The following DPH6 variants were observed in gnomAD, a reference collection of about 807,000 sequenced individuals.
DPH6 encodes the protein diphthamine biosynthesis 6, also known as diphthine--ammonia ligase.
In DPH6, 33 loss-of-function variants were observed where a neutral mutation model predicts 38.2. The observed-to-expected ratio is 0.86, with a 90% confidence interval of 0.65 to 1.15. DPH6 has a LOEUF of 1.15. DPH6 is among the 50% of genes most tolerant of loss of function. The pLI is 0.00. For synonymous variants in DPH6, 108 were observed against 103.0 expected, an observed-to-expected ratio of 1.05 and a Z score of -0.30; for missense variants, 325 against 320.0, an observed-to-expected ratio of 1.02 and a Z score of -0.12.
intron 3 of DPH6, among the ~76,000 whole-genome samples, chr15:35,257,875 C>T (rs2051718749): frequency 6.6e-6 from 1 of 151,642 alleles, no homozygotes; most frequent in African/African-American, 2.4e-5. Context: ...AGTGGTGGTA[C>T]TCTTAAACAA....
chr15:35,379,279 C>T (rs113425931), intron 7 of DPH6, among the ~76,000 whole-genome samples: 3 of 152,240 alleles, frequency 2.0e-5, no homozygotes, highest in African/African-American at 4.8e-5. Context: ...TATTTTTTCT[C>T]GCCTTAGAGG....
intron 3 of DPH6, among the ~76,000 whole-genome samples, chr15:35,246,508 C>T (rs2051638897): frequency 6.6e-6 from 1 of 152,146 alleles, no homozygotes; most frequent in Admixed American, 6.5e-5. Context: ...AAAGCTCTGC[C>T]TGCCTTTTAG....
At chr15:35,498,502 A>G (rs1035786128) in intron 3 of DPH6, among the ~76,000 whole-genome samples, 2 of 152,128 alleles carry the variant, frequency 1.3e-5, no homozygotes, top group Non-Finnish European at 2.9e-5. Flanking sequence ...AAGGATATCC[A>G]GGATTCTTCC....
rs76694328 is a variant in DPH6, at chr15:35,537,752, C to A, written c.312+522G>T. On this transcript the variant is annotated intron_variant, in intron 3 of 8. Transcript: ENST00000256538. ...ACAACCATACGTAGCACCACCTCCA[C>A]AGCTATGCCCTGCCATCATGTGCAA... 3.0e-3 allele frequency among the ~76,000 whole-genome samples: 455 copies of A among 152,244 alleles called. 3 individuals carry two copies. In the East Asian group the frequency reaches 0.041, roughly 14 times the overall value.
chr15:35,181,691 C>T, the DPH6 span: 3 of 151,996 alleles, frequency 2.0e-5, no homozygotes, highest in African/African-American at 7.2e-5. Flanking sequence ...GTTAAGATGA[C>T]ATGCTGAGCA....
At chr15:35,441,334 C>G (rs941258101) in intron 5 of DPH6, among the ~76,000 whole-genome samples, 2 of 152,166 alleles carry the variant, frequency 1.3e-5, no homozygotes, top group Admixed American at 1.3e-4. Context: ...GCTTATAAAT[C>G]ATTCTACTAT....
intron 1 of DPH6, 97 bp from the exon 2 acceptor site, chr15:35,542,604 A>T: frequency 8.5e-7 from 1 of 1,172,752 alleles, no homozygotes; most frequent in Non-Finnish European, 1.2e-6. Flanking sequence ...CATTTACTTG[A>T]CTCTTCAGAA....
Position 35,238,047 on chromosome 15 carries a change from G to A in DPH6, n.201-17465C>T. 2.6e-6 allele frequency: 4 copies of A among 1,563,790 alleles called. No individual in the cohort carries two copies. The Admixed American group carries it at 6.7e-5, about 26-fold the overall frequency. ...CGAAAAGGAGAACCTGAAGATGAGG[G>A]AGAAGATGATGACTAAGTGGAATAA... On this transcript the variant is annotated intron_variant and non_coding_transcript_variant, in intron 3 of 3. Coordinates refer to the DPH6 transcript ENST00000560386.
downstream of DPH6, among the ~76,000 whole-genome samples, chr15:35,327,336 CT>C (rs376483680): frequency 0.054 from 6,960 of 127,766 alleles, 326 homozygotes; most frequent in African/African-American, 0.2. Flanking sequence ...GAAAAGGTTC[CT>C]TTTTTTTTTT....
chr15:35,256,785 A>G (rs2140413988), intron 3 of DPH6, among the ~76,000 whole-genome samples: 1 of 152,286 alleles, frequency 6.6e-6, no homozygotes, highest in East Asian at 1.9e-4. Flanking sequence ...ATCCTGACCT[A>G]AAGGGAAAGA....
chr15:35,199,977 C>A, the DPH6 span, among the ~76,000 whole-genome samples: 6 of 152,018 alleles, frequency 3.9e-5, no homozygotes, highest in Non-Finnish European at 7.4e-5. Flanking sequence ...AAGTTGAGCT[C>A]TCCAAGGTAG....
intron 3 of DPH6, among the ~76,000 whole-genome samples, chr15:35,333,258 T>C (rs2052341504): frequency 1.3e-5 from 2 of 152,092 alleles, no homozygotes; most frequent in African/African-American, 4.8e-5. Flanking sequence ...CCACGTAAAA[T>C]AACAGAAGTC....
At chr15:35,533,108 GA>G (rs34226807) in intron 3 of DPH6, among the ~76,000 whole-genome samples, 23 of 144,240 alleles carry the variant, frequency 1.6e-4, no homozygotes, top group Admixed American at 2.1e-4. Flanking sequence ...ACTCAGTCTC[GA>G]AAAAAAAAAA....
At chr15:35,188,815 T>C in the DPH6 span, among the ~76,000 whole-genome samples, 11 of 151,662 alleles carry the variant, frequency 7.3e-5, no homozygotes, top group East Asian at 1.9e-4. Flanking sequence ...GCCCAGGAGA[T>C]AGAGATTGCA....
chr15:35,468,876 T>A (rs2054162446), intron 3 of DPH6, among the ~76,000 whole-genome samples: 1 of 152,164 alleles, frequency 6.6e-6, no homozygotes, highest in Non-Finnish European at 1.5e-5. Flanking sequence ...AAGACAAACC[T>A]GGCCAACATG....
the DPH6 span, among the ~76,000 whole-genome samples, chr15:35,163,752 C>A: frequency 3.3e-5 from 5 of 151,828 alleles, no homozygotes; most frequent in African/African-American, 4.8e-5. Flanking sequence ...CTTGTAATGA[C>A]ATGCTAGGAC....
chr15:35,426,697 A>G (rs979512244), intron 5 of DPH6, among the ~76,000 whole-genome samples: 44 of 151,890 alleles, frequency 2.9e-4, no homozygotes, highest in Non-Finnish European at 2.8e-4. Context: ...TTCAAAAAGT[A>G]TATGTTAAAA....
chr15:35,385,620 C>G (rs923250303), intron 6 of DPH6, among the ~76,000 whole-genome samples: 1 of 151,870 alleles, frequency 6.6e-6, no homozygotes, highest in African/African-American at 2.4e-5. Context: ...GTCAGGGGGT[C>G]AGGGGCTAGG....
intron 3 of DPH6, among the ~76,000 whole-genome samples, chr15:35,466,873 A>G (rs964438017): frequency 1.3e-5 from 2 of 152,218 alleles, no homozygotes; most frequent in African/African-American, 4.8e-5. Flanking sequence ...AAATACAATT[A>G]AAAAGATACA....
Sources: allele counts gnomAD v4.1 joint callset (sites outside exome capture counted in the v4.1 genomes callset), GRCh38; gene constraint gnomAD v4.1.1; transcripts MANE v1.5; gene names NCBI Gene and HGNC (gene_info 2026-07-23, HGNC 2026-07-21).